The following FGD5 variants were observed in gnomAD, a reference collection of about 807,000 sequenced individuals.
The protein encoded by FGD5 is FYVE, RhoGEF and PH domain-containing protein 5.
FGD5 carries 28 observed loss-of-function variants against 133.4 expected under a neutral mutation model. The observed-to-expected ratio is 0.21, with a 90% CI of 0.16 to 0.29. The LOEUF (loss-of-function observed/expected upper bound fraction) is 0.29, where lower values mean the gene tolerates loss of function less well. Among genes scored for constraint, FGD5 ranks in the 10% least tolerant of loss-of-function variants. FGD5 has a pLI of 1.00. For missense variants in FGD5, 1,858 were observed against 1,895.2 expected, an observed-to-expected ratio of 0.98 and a Z score of 0.36; for synonymous variants, 810 against 776.5, an observed-to-expected ratio of 1.04 and a Z score of -0.72.
chr3:14,850,712 T>A (rs1471502582), intron 1 of FGD5, among the ~76,000 whole-genome samples: 1 of 148,006 alleles, frequency 6.8e-6, no homozygotes, highest in Non-Finnish European at 1.5e-5. Flanking sequence ...TGTAGTAAAC[T>A]GCAACGGGAG....
At chr3:14,863,608 G>A (rs1325499615) in intron 1 of FGD5, among the ~76,000 whole-genome samples, 1 of 152,244 alleles carries the variant, frequency 6.6e-6, no homozygotes, top group Non-Finnish European at 1.5e-5. Context: ...GGTGAGACAG[G>A]AATCCTTGTT....
chr3:14,910,221 A>G (rs2038420644), intron 10 of FGD5, among the ~76,000 whole-genome samples: 1 of 152,242 alleles, frequency 6.6e-6, no homozygotes, highest in Non-Finnish European at 1.5e-5. Context: ...TTGCTTTGCC[A>G]GGTTTCCAGG....
chr3:14,821,279 C>T lies in FGD5; in HGVS notation c.2208C>T (p.Ser736=). The change falls in exon 1 of 20, where the codon AGC becomes AGT. Residue 736 remains serine (S), a synonymous_variant. Coordinates refer to ENST00000285046, the MANE Select transcript of FGD5 (RefSeq NM_152536.4). ...RDGKRKGVPF[S]RTVSRVESFE... is the part of the protein sequence containing the mutation. ...GCAAGAGGAAAGGTGTCCCCTTCAG[C>T]AGGACGGTGTCCAGAGTGGAGTCCT... The T allele has an allele frequency of 6.2e-7, 1 of 1,613,984 alleles. No individual in the cohort carries two copies. The highest frequency in any genetic ancestry group is 8.5e-7 in the Non-Finnish European group (1 of 1,179,894).
chr3:14,840,784 T>C (rs1267535234), intron 1 of FGD5, among the ~76,000 whole-genome samples: 2 of 152,126 alleles, frequency 1.3e-5, no homozygotes, highest in Non-Finnish European at 2.9e-5. Flanking sequence ...ATGATGAGCA[T>C]TGGGTTGTGT....
chr3:14,923,946 T>C, intron 16 of FGD5, 62 bp from the exon 17 acceptor site: 4 of 1,597,692 alleles, frequency 2.5e-6, no homozygotes, highest in Non-Finnish European at 3.4e-6. Context: ...GAATCAGTGT[T>C]CCAAAGACAA....
chr3:14,823,250 C>G (rs1039130782), intron 1 of FGD5, among the ~76,000 whole-genome samples: 3 of 152,160 alleles, frequency 2.0e-5, no homozygotes, highest in Non-Finnish European at 4.4e-5. Context: ...ATAAACTCTC[C>G]GTGCTGGTCA....
chr3:14,863,513 A>G (rs1176184084), intron 1 of FGD5, among the ~76,000 whole-genome samples: 4 of 152,342 alleles, frequency 2.6e-5, no homozygotes, highest in South Asian at 2.1e-4. Context: ...TTTACTGGCA[A>G]CGCCTGTGGA....
At chr3:14,836,689 T>A (rs1308391362) in intron 1 of FGD5, among the ~76,000 whole-genome samples, 1 of 152,142 alleles carries the variant, frequency 6.6e-6, no homozygotes, top group Non-Finnish European at 1.5e-5. Context: ...TGCTGGGACT[T>A]GGTTCCTTGA....
intron 2 of FGD5, among the ~76,000 whole-genome samples, chr3:14,866,794 G>A (rs575193684): frequency 1.1e-4 from 16 of 152,340 alleles, no homozygotes; most frequent in African/African-American, 3.8e-4. Context: ...GGGTCATGAA[G>A]CTGGGGCAGC....
intron 12 of FGD5, 38 bp from the exon 13 acceptor site, chr3:14,918,706 TTGCCCCTCCC>T: frequency 1.3e-6 from 2 of 1,587,152 alleles, no homozygotes; most frequent in Non-Finnish European, 1.7e-6. Flanking sequence ...CGGTCTACAC[TTGCCCCTCCC>T]TGCCCCACCC....
chr3:14,851,096 G>T (rs1172168349), intron 1 of FGD5, among the ~76,000 whole-genome samples: 1 of 152,158 alleles, frequency 6.6e-6, no homozygotes, highest in East Asian at 1.9e-4. Context: ...GGCCCACACT[G>T]GTGACAGAGG....
chr3:14,887,899 C>T (rs1024413751), intron 4 of FGD5, among the ~76,000 whole-genome samples: 3 of 152,006 alleles, frequency 2.0e-5, no homozygotes, highest in Admixed American at 2.0e-4. Flanking sequence ...GGTATGGTGG[C>T]TCACACCTGA....
chr3:14,916,554 C>T (rs921700171), intron 11 of FGD5, among the ~76,000 whole-genome samples: 8 of 152,156 alleles, frequency 5.3e-5, no homozygotes, highest in Non-Finnish European at 8.8e-5. Context: ...TATACTTTAT[C>T]GAGCTTTATT....
chr3:14,841,433 T>G (rs1021749484), intron 1 of FGD5, among the ~76,000 whole-genome samples: 3 of 152,214 alleles, frequency 2.0e-5, no homozygotes, highest in African/African-American at 7.2e-5. Context: ...AATGCTGCCC[T>G]GTCCTGGTTT....
rs377449523 is a variant in FGD5, at chr3:14,820,456, T to C, written c.1385T>C (p.Leu462Ser). The stretch of plus-strand genomic sequence containing the variant: ...GGTGGTTATGGCTCGAAAGAAGAAT[T>C]GAACTGTGAGGCAGAGGGTGGCCTG... Reference protein sequence around the residue: ...ALGGYGSKEELNCEAEGGLVP... With the variant: ...ALGGYGSKEESNCEAEGGLVP... Residue 462 changes from leucine to serine, a missense_variant, in exon 1 of 20, where the codon TTG (leucine) becomes TCG (serine). Transcript: ENST00000285046. 2 of 1,613,814 alleles carry C rather than the reference T, an allele frequency of 1.2e-6. No homozygotes were observed. Among genetic ancestry groups the C allele is most frequent in the Non-Finnish European group, 1.7e-6 (2 of 1,179,842 alleles).
intron 1 of FGD5, among the ~76,000 whole-genome samples, chr3:14,858,515 C>T (rs2037334026): frequency 6.6e-6 from 1 of 152,140 alleles, no homozygotes; most frequent in South Asian, 2.1e-4. Context: ...AACACCTCAT[C>T]CAGTTATGAT....
At chr3:14,826,608 G>A (rs554838418) in intron 1 of FGD5, among the ~76,000 whole-genome samples, 1 of 152,170 alleles carries the variant, frequency 6.6e-6, no homozygotes, top group African/African-American at 2.4e-5. Context: ...GAGTTAATAC[G>A]GTACATGGTA....
intron 2 of FGD5, among the ~76,000 whole-genome samples, chr3:14,875,497 C>G (rs1043393549): frequency 6.6e-6 from 1 of 152,138 alleles, no homozygotes; most frequent in Non-Finnish European, 1.5e-5. Flanking sequence ...AAGGGATCAC[C>G]TGGAGCTCCA....
chr3:14,880,554 C>A lies in FGD5; in HGVS notation c.2659-18C>A. 6.2e-7 allele frequency: 1 copy of A among 1,612,734 alleles called. No individual in the cohort carries two copies. Among genetic ancestry groups the A allele is most frequent in the Non-Finnish European group, 8.5e-7 (1 of 1,179,104 alleles). On this transcript the variant is annotated intron_variant, in intron 2 of 19. Transcript: ENST00000285046. Reference sequence around the variant, plus strand: ...CACTGATGCCTGTCCCACCTGATTGCTCTCTTTCCTCCCACAGGTGGAAGG... The same window carrying A: ...CACTGATGCCTGTCCCACCTGATTGATCTCTTTCCTCCCACAGGTGGAAGG...
Sources: allele counts gnomAD v4.1 joint callset (sites outside exome capture counted in the v4.1 genomes callset), GRCh38; gene constraint gnomAD v4.1.1; transcripts MANE v1.5; gene names NCBI Gene and HGNC (gene_info 2026-07-23, HGNC 2026-07-21).